PTPRD: variants seen among roughly 807,000 people sequenced by gnomAD.
PTPRD encodes the protein receptor-type tyrosine-protein phosphatase delta.
In PTPRD, 34 loss-of-function variants were observed where a neutral mutation model predicts 214.5. That is an observed-to-expected ratio of 0.16 (90% CI 0.12 to 0.21). PTPRD has a LOEUF of 0.21. Among genes scored for constraint, PTPRD ranks in the 10% least tolerant of loss-of-function variants. The pLI, the probability that PTPRD is intolerant of heterozygous loss-of-function variation, is 1.00. For missense variants in PTPRD, 2,545 were observed against 2,398.7 expected (o/e 1.06, Z -1.27); for synonymous variants, 1,128 against 845.7 (o/e 1.33, Z -5.79).
chr9:9,637,735 G>C (rs1378714810), intron 7 of PTPRD, among the ~76,000 whole-genome samples: 2 of 152,170 alleles, frequency 1.3e-5, no homozygotes, highest in African/African-American at 4.8e-5. Context: ...TGGCTCCTTA[G>C]GCATTGCCCT....
intron 11 of PTPRD, among the ~76,000 whole-genome samples, chr9:8,875,833 C>G (rs1216616110): frequency 6.6e-6 from 1 of 152,080 alleles, no homozygotes; most frequent in Admixed American, 6.6e-5. Context: ...GTGCATATGC[C>G]TTAACTTCTC....
intron 7 of PTPRD, among the ~76,000 whole-genome samples, chr9:9,662,971 T>C (rs2096648627): frequency 6.6e-6 from 1 of 151,632 alleles, no homozygotes; most frequent in Admixed American, 6.6e-5. Flanking sequence ...TTGGGCTCAC[T>C]ATTTTTCTTT....
intron 4 of PTPRD, among the ~76,000 whole-genome samples, chr9:10,014,112 C>T (rs976137514): frequency 6.6e-6 from 1 of 151,926 alleles, no homozygotes; most frequent in South Asian, 2.1e-4. Flanking sequence ...TCGTAAAAGA[C>T]TAGAGAGTTG....
At chr9:10,511,104 T>A (rs1271398599) in intron 2 of PTPRD, among the ~76,000 whole-genome samples, 3 of 152,214 alleles carry the variant, frequency 2.0e-5, no homozygotes, top group African/African-American at 7.2e-5. Flanking sequence ...GTATCCTTTT[T>A]ATCATTGAGA....
intron 14 of PTPRD, among the ~76,000 whole-genome samples, chr9:8,554,941 T>C (rs7030442): frequency 0.15 from 21,554 of 148,494 alleles, 4,220 homozygotes; most frequent in African/African-American, 0.48. Flanking sequence ...TTTGTACTTA[T>C]GAGTATATAT....
intron 2 of PTPRD, among the ~76,000 whole-genome samples, chr9:10,474,903 T>A (rs1168888887): frequency 1.3e-5 from 2 of 151,814 alleles, no homozygotes; most frequent in East Asian, 1.9e-4. Context: ...ATAAATAAAT[T>A]AAGACAGAAA....
At chr9:10,063,806 T>A (rs2097825048) in intron 3 of PTPRD, among the ~76,000 whole-genome samples, 1 of 151,944 alleles carries the variant, frequency 6.6e-6, no homozygotes, top group Non-Finnish European at 1.5e-5. Context: ...GTGAAACATC[T>A]ATTGCAGGTA....
intron 9 of PTPRD, among the ~76,000 whole-genome samples, chr9:9,318,339 G>A (rs10977656): frequency 0.11 from 16,363 of 151,886 alleles, 1,134 homozygotes; most frequent in Non-Finnish European, 0.16. Context: ...TTAAGAGTCA[G>A]GAAAGTAGTG....
intron 2 of PTPRD, among the ~76,000 whole-genome samples, chr9:10,497,161 G>A (rs569477008): frequency 7.9e-5 from 12 of 151,926 alleles, no homozygotes; most frequent in Non-Finnish European, 1.8e-4. Flanking sequence ...GTGGAGGGAG[G>A]AATGGGGGCG....
At chr9:9,661,526 T>TA (rs1354956100) in intron 7 of PTPRD, among the ~76,000 whole-genome samples, 23 of 151,878 alleles carry the variant, frequency 1.5e-4, no homozygotes, top group African/African-American at 4.6e-4. Context: ...TATGGTATCA[T>TA]TAGACAATAT....
intron 11 of PTPRD, among the ~76,000 whole-genome samples, chr9:8,896,077 ACAT>A (rs778414667): frequency 1.3e-5 from 2 of 152,178 alleles, no homozygotes; most frequent in Non-Finnish European, 2.9e-5. Flanking sequence ...CCAACTCCAC[ACAT>A]CAGAGTGTTG....
intron 12 of PTPRD, among the ~76,000 whole-genome samples, chr9:8,689,325 T>A (rs1181911832): frequency 6.6e-6 from 1 of 152,216 alleles, no homozygotes; most frequent in Non-Finnish European, 1.5e-5. Flanking sequence ...TTAGTTCATT[T>A]CTTGCTACCT....
chr9:9,851,496 G>A (rs1415419824), intron 5 of PTPRD, among the ~76,000 whole-genome samples: 2 of 152,208 alleles, frequency 1.3e-5, no homozygotes, highest in Admixed American at 6.5e-5. Flanking sequence ...AGGGCCTAAA[G>A]ATTCACATTC....
At chr9:10,543,180 C>T (rs1281543509) in intron 2 of PTPRD, among the ~76,000 whole-genome samples, 4 of 152,024 alleles carry the variant, frequency 2.6e-5, no homozygotes, top group African/African-American at 4.8e-5. Flanking sequence ...CCACCACGCC[C>T]GGCCACTAGC....
chr9:9,374,355 A>G (rs1275925976), intron 9 of PTPRD, among the ~76,000 whole-genome samples: 1 of 152,156 alleles, frequency 6.6e-6, no homozygotes, highest in Admixed American at 6.6e-5. Flanking sequence ...TAAAACAGGA[A>G]CATTAAAGTC....
intron 10 of PTPRD, among the ~76,000 whole-genome samples, chr9:9,119,872 C>T (rs1168019210): frequency 1.3e-5 from 2 of 151,314 alleles, no homozygotes; most frequent in Non-Finnish European, 2.9e-5. Context: ...AAGATGACTA[C>T]ACATGAAAGT....
intron 3 of PTPRD, among the ~76,000 whole-genome samples, chr9:10,040,658 G>C (rs894706385): frequency 6.6e-6 from 1 of 151,988 alleles, no homozygotes; most frequent in Non-Finnish European, 1.5e-5. Flanking sequence ...TAAATCAGTG[G>C]TCATGGGCTA....
chr9:8,900,797 T>A (rs2098662258), intron 11 of PTPRD, among the ~76,000 whole-genome samples: 1 of 152,338 alleles, frequency 6.6e-6, no homozygotes, highest in South Asian at 2.1e-4. Flanking sequence ...GAATTTAGGA[T>A]TGCAGTTGTA....
rs535486029 is a variant in PTPRD, at chr9:10,568,856, G to A, written c.-600+43542C>T. Among the ~76,000 whole-genome samples the A allele has an allele frequency of 8.9e-4, 136 of 152,238 alleles. 1 individual carries two copies. Among genetic ancestry groups the A allele is most frequent in the African/African-American group, 3.1e-3 (129 of 41,542 alleles). ...CTAGGCAATACCATGCAGGACATAC[G>A]CTTGGGCAAGGACTTCATGTCTAAA... On this transcript the variant is annotated intron_variant, in intron 2 of 45. Coordinates refer to ENST00000381196, the MANE Select transcript of PTPRD (RefSeq NM_002839.4).
Sources: allele counts gnomAD v4.1 joint callset (sites outside exome capture counted in the v4.1 genomes callset), GRCh38; gene constraint gnomAD v4.1.1; transcripts MANE v1.5; gene names NCBI Gene and HGNC (gene_info 2026-07-23, HGNC 2026-07-21).